CTIF: variants seen among roughly 807,000 people sequenced by gnomAD.
The protein encoded by CTIF is CBP80/20-dependent translation initiation factor.
CTIF carries 21 observed loss-of-function variants against 66.0 expected under a neutral mutation model. The ratio of observed to expected loss-of-function variants is 0.32; its 90% CI spans 0.23 to 0.46. The LOEUF is 0.46. CTIF is among the 20% of genes least tolerant of loss of function. The pLI is 1.00. For missense variants in CTIF, 739 were observed against 812.7 expected, an observed-to-expected ratio of 0.91 and a Z score of 1.10; for synonymous variants, 345 against 326.4, an observed-to-expected ratio of 1.06 and a Z score of -0.62.
chr18:48,824,209 T>C (rs1052681059), intron 10 of CTIF, among the ~76,000 whole-genome samples: 10 of 152,184 alleles, frequency 6.6e-5, no homozygotes, highest in African/African-American at 2.2e-4. Flanking sequence ...TATAACATAT[T>C]ATTTTAAGAC....
At chr18:48,823,559 C>T (rs1164295649) in intron 10 of CTIF, among the ~76,000 whole-genome samples, 1 of 152,172 alleles carries the variant, frequency 6.6e-6, no homozygotes, top group Non-Finnish European at 1.5e-5. Flanking sequence ...GTTTTGATTG[C>T]TGTAGCTTCG....
intron 6 of CTIF, among the ~76,000 whole-genome samples, chr18:48,679,485 G>A (rs2091702139): frequency 6.6e-6 from 1 of 152,220 alleles, no homozygotes; most frequent in South Asian, 2.1e-4. Context: ...TTCTTGGCGG[G>A]TGGGAGATGG....
chr18:48,837,746 G>A (rs888840857), intron 10 of CTIF, among the ~76,000 whole-genome samples: 1 of 152,158 alleles, frequency 6.6e-6, no homozygotes, highest in Non-Finnish European at 1.5e-5. Context: ...GGCTGGATCT[G>A]TTTCTCTCCT....
intron 1 of CTIF, among the ~76,000 whole-genome samples, chr18:48,603,856 T>C (rs1199583791): frequency 1.3e-5 from 2 of 151,258 alleles, no homozygotes; most frequent in Non-Finnish European, 3.0e-5. Flanking sequence ...GAAATTTTTT[T>C]TTTTTTTTTT....
intron 5 of CTIF, 81 bp from the exon 6 acceptor site, chr18:48,670,588 C>T (rs2091515195): frequency 2.3e-6 from 3 of 1,285,848 alleles, no homozygotes; most frequent in African/African-American, 1.5e-5. Context: ...TGCTGACTGT[C>T]CCTCCTCTCC....
chr18:48,545,014 C>T (rs111815352), intron 1 of CTIF, among the ~76,000 whole-genome samples: 3,703 of 152,288 alleles, frequency 0.024, 71 homozygotes, highest in Non-Finnish European at 0.036. Flanking sequence ...CCACCTGCTC[C>T]GGCCTCAGAT....
Position 48,859,459 on chromosome 18 carries a change from T to A in CTIF, c.1697T>A (p.Leu566Gln). ...TCGGAGTCCATGCTGACCCGGTCGC[T>A]GCTCCTAGAGGTCATCGAGCTCCAC... ...CPSESMLTRS[L>Q]LLEVIELHAN... Residue 566 changes from leucine (L) to glutamine (Q), a missense_variant, in exon 12 of 12, where the codon CTG becomes CAG. Coordinates refer to ENST00000256413, the MANE Select transcript of CTIF (RefSeq NM_014772.3). 6.2e-7 allele frequency: 1 copy of A among 1,614,194 alleles called. No individual in the cohort carries two copies. Among genetic ancestry groups the A allele is most frequent in the Admixed American group, 1.7e-5 (1 of 60,026 alleles).
At chr18:48,857,973 C>T (rs919424715) in intron 11 of CTIF, among the ~76,000 whole-genome samples, 19 of 152,254 alleles carry the variant, frequency 1.2e-4, no homozygotes, top group African/African-American at 4.3e-4. Context: ...TACCTCTGCC[C>T]TCAAATATTT....
intron 7 of CTIF, among the ~76,000 whole-genome samples, chr18:48,748,149 C>T (rs982601306): frequency 1.3e-5 from 2 of 151,878 alleles, no homozygotes; most frequent in African/African-American, 4.8e-5. Flanking sequence ...TCTAGAAGAG[C>T]GCAGATGGGT....
intron 6 of CTIF, among the ~76,000 whole-genome samples, chr18:48,708,338 T>C (rs956517550): frequency 6.6e-6 from 1 of 152,246 alleles, no homozygotes; most frequent in Admixed American, 6.5e-5. Context: ...GTTCTTGTTT[T>C]GGGAGGAGTG....
At chr18:48,685,576 C>T (rs537063734) in intron 6 of CTIF, among the ~76,000 whole-genome samples, 19 of 152,248 alleles carry the variant, frequency 1.2e-4, no homozygotes, top group Non-Finnish European at 2.1e-4. Context: ...TGTCCCTCTT[C>T]GTGCAGCTCA....
chr18:48,636,485 T>C, intron 2 of CTIF, 129 bp from the exon 3 acceptor site: 1 of 581,790 alleles, frequency 1.7e-6, no homozygotes, highest in Non-Finnish European at 2.7e-6. Context: ...AAGATTTGCA[T>C]TGAAATGGCC....
chr18:48,750,744 C>T (rs1222053411), intron 7 of CTIF, among the ~76,000 whole-genome samples: 1 of 152,256 alleles, frequency 6.6e-6, no homozygotes, highest in Non-Finnish European at 1.5e-5. Flanking sequence ...CCAGCGGGCC[C>T]TGGCTCAGCC....
intron 1 of CTIF, among the ~76,000 whole-genome samples, chr18:48,604,687 A>G (rs1343784509): frequency 2.0e-5 from 3 of 152,248 alleles, no homozygotes; most frequent in Admixed American, 6.5e-5. Context: ...AAAATATACA[A>G]TTAAATGGTT....
At chr18:48,809,533 T>A (rs2068218651) in intron 9 of CTIF, among the ~76,000 whole-genome samples, 2 of 152,178 alleles carry the variant, frequency 1.3e-5, no homozygotes, top group African/African-American at 4.8e-5. Context: ...ACTTCCTTAT[T>A]TGTAACTTAC....
At chr18:48,548,951 G>T (rs1026735702) in intron 1 of CTIF, among the ~76,000 whole-genome samples, 1 of 152,134 alleles carries the variant, frequency 6.6e-6, no homozygotes, top group East Asian at 1.9e-4. Flanking sequence ...AGAATGAAAA[G>T]GGTGCCAAGG....
At chr18:48,574,435 G>A (rs907542) in intron 1 of CTIF, among the ~76,000 whole-genome samples, 142,898 of 152,332 alleles carry the variant, frequency 0.94, 67,080 homozygotes, top group East Asian at 1. Flanking sequence ...GTCTTAAAAC[G>A]ACCATCCTTT....
chr18:48,610,338 G>A (rs1023570645), intron 1 of CTIF, among the ~76,000 whole-genome samples: 1 of 151,894 alleles, frequency 6.6e-6, no homozygotes, highest in African/African-American at 2.4e-5. Flanking sequence ...TGGAAACAGG[G>A]GCACCCAGGG....
At chr18:48,675,068 G>A (rs2091603523) in intron 6 of CTIF, among the ~76,000 whole-genome samples, 1 of 151,350 alleles carries the variant, frequency 6.6e-6, no homozygotes, top group African/African-American at 2.4e-5. Context: ...TGGAGTGGGT[G>A]GGAGATGGGG....
Sources: gnomAD v4.1 joint callset for allele counts (sites outside exome capture counted in the v4.1 genomes callset) on GRCh38, gnomAD v4.1.1 for gene constraint, MANE v1.5 for transcripts, NCBI Gene and HGNC (gene_info 2026-07-23, HGNC 2026-07-21) for gene names.